Variants in PIP5K1C observed in about 807,000 individuals in gnomAD.
The protein encoded by PIP5K1C is phosphatidylinositol 4-phosphate 5-kinase type-1 gamma.
In PIP5K1C, 45 loss-of-function variants were observed where a neutral mutation model predicts 80.1. The ratio of observed to expected loss-of-function variants is 0.56; its 90% CI spans 0.44 to 0.72. The LOEUF (loss-of-function observed/expected upper bound fraction) is 0.72, where lower values mean the gene tolerates loss of function less well. PIP5K1C is among the 30% of genes least tolerant of loss of function. The pLI, the probability that PIP5K1C is intolerant of heterozygous loss-of-function variation, is 0.00. For missense variants in PIP5K1C, 753 were observed against 954.6 expected (o/e 0.79, Z 2.78); for synonymous variants, 498 against 420.1 (o/e 1.19, Z -2.27).
At chr19:3,698,807 G>A (rs1049597385) in intron 1 of PIP5K1C, among the ~76,000 whole-genome samples, 2 of 152,152 alleles carry the variant, frequency 1.3e-5, no homozygotes, top group African/African-American at 4.8e-5. Context: ...GGATGGCGTT[G>A]GAGGAGTGAG....
chr19:3,672,682 C>G (rs2035245881), intron 1 of PIP5K1C: 1 of 152,454 alleles, frequency 6.6e-6, no homozygotes, highest in African/African-American at 2.4e-5. Context: ...TGAGAGGAAA[C>G]AGGGCACATT....
chr19:3,660,959 T>G lies in PIP5K1C; in HGVS notation c.468+7A>C. 8 of 1,607,254 alleles carry G rather than the reference T, an allele frequency of 5.0e-6. No homozygotes were observed. Among genetic ancestry groups the G allele is most frequent in the Non-Finnish European group, 6.8e-6 (8 of 1,174,186 alleles). On this transcript the variant is annotated splice_region_variant and intron_variant, in intron 5 of 17. Transcript: ENST00000335312. Reference sequence around the variant, plus strand: ...GCCTGGAAGCCCGTAACAGCAAATATGCTTACCAAGTAATCATCTGGCCGG... The same window carrying G: ...GCCTGGAAGCCCGTAACAGCAAATAGGCTTACCAAGTAATCATCTGGCCGG...
intron 1 of PIP5K1C, among the ~76,000 whole-genome samples, chr19:3,673,475 G>C (rs1380476186): frequency 6.6e-6 from 1 of 152,232 alleles, no homozygotes; most frequent in Admixed American, 6.5e-5. Context: ...GGGAAGGCCA[G>C]TGAGAAAGGG....
chr19:3,650,096 C>T (rs555198840), intron 8 of PIP5K1C: 12 of 156,624 alleles, frequency 7.7e-5, no homozygotes, highest in Admixed American at 7.1e-4. Context: ...CAGCTACACC[C>T]TGGTTGGGGC....
At chr19:3,652,821 C>T (rs1318341965) in intron 7 of PIP5K1C, among the ~76,000 whole-genome samples, 1 of 152,024 alleles carries the variant, frequency 6.6e-6, no homozygotes, top group Non-Finnish European at 1.5e-5. Flanking sequence ...TGGCTGGGAG[C>T]TCTGGGCTTG....
intron 16 of PIP5K1C, among the ~76,000 whole-genome samples, chr19:3,633,812 C>T (rs2033557599): frequency 6.6e-6 from 1 of 152,010 alleles, no homozygotes; most frequent in African/African-American, 2.4e-5. Context: ...CCGGCGGAAG[C>T]GGGTGGGGGT....
chr19:3,658,470 C>G (rs924584427), intron 5 of PIP5K1C, among the ~76,000 whole-genome samples: 1 of 152,256 alleles, frequency 6.6e-6, no homozygotes, highest in African/African-American at 2.4e-5. Context: ...AGAGCCCACG[C>G]GGCTCCTCCG....
chr19:3,674,648 G>A (rs2035305471), intron 1 of PIP5K1C, among the ~76,000 whole-genome samples: 2 of 152,198 alleles, frequency 1.3e-5, no homozygotes, highest in Non-Finnish European at 2.9e-5. Flanking sequence ...GGGACTACAG[G>A]CACGCACCAC....
intron 1 of PIP5K1C, among the ~76,000 whole-genome samples, chr19:3,681,978 G>C (rs1462160277): frequency 3.3e-5 from 5 of 152,132 alleles, no homozygotes; most frequent in Non-Finnish European, 5.9e-5. Context: ...CACGAGCCCA[G>C]ATTGCAGAGC....
chr19:3,700,284 G>T lies in PIP5K1C; in HGVS notation c.94+13C>A. 1 of 1,255,464 alleles carries T rather than the reference G, an allele frequency of 8.0e-7. No individual in the cohort carries two copies. Among genetic ancestry groups the T allele is most frequent in the Non-Finnish European group, 1.0e-6 (1 of 982,084 alleles). The allele number at this position is 1,255,464 out of a possible 1,614,324, so 77.8% of individuals were successfully genotyped here. ...GCCCAGCGGGCCGCAGCCCCGGGAGGCCGGGCCGTTACCTGCCGCCGCCCC... is the reference window on the plus strand; with the variant it reads ...GCCCAGCGGGCCGCAGCCCCGGGAGTCCGGGCCGTTACCTGCCGCCGCCCC... On this transcript the variant is annotated intron_variant, in intron 1 of 17. Transcript: ENST00000335312.
chr19:3,643,835 C>G (rs1191475283), intron 12 of PIP5K1C, among the ~76,000 whole-genome samples: 1 of 152,104 alleles, frequency 6.6e-6, no homozygotes, highest in African/African-American at 2.4e-5. Context: ...TGGTGCACCT[C>G]AGATGACAGT....
At chr19:3,687,306 G>A (rs187694950) in intron 1 of PIP5K1C, among the ~76,000 whole-genome samples, 1 of 152,298 alleles carries the variant, frequency 6.6e-6, no homozygotes, top group Non-Finnish European at 1.5e-5. Flanking sequence ...AGGTTGCAGT[G>A]AGCCGAGACT....
intron 1 of PIP5K1C, among the ~76,000 whole-genome samples, chr19:3,700,025 G>A (rs1377082172): frequency 6.6e-6 from 1 of 152,148 alleles, no homozygotes; most frequent in African/African-American, 2.4e-5. Flanking sequence ...CTGGGAGCGG[G>A]TCAGGCAGAA....
At position 3,642,937 on chromosome 19, in the gene PIP5K1C, C is replaced by T. The variant is rs752082603; in HGVS notation, c.1652G>A (p.Arg551Gln). Residue 551 changes from arginine (R) to glutamine (Q), a missense_variant and splice_region_variant, in exon 14 of 18, where the codon CGG becomes CAG. By Grantham distance (43) the Arg-to-Gln change is conservative (BLOSUM62 1). Around this residue, in one of 6 missense-constraint regions of PIP5K1C, gnomAD observed 315 missense variants for 294.5 expected, o/e 1.07. Transcript: ENST00000335312. ...ATCCTGTCCAGACGACTGTGTGCGC[C>T]GCCTGCAGAGATACAGCAAACACGT... is the stretch of plus-strand genomic sequence containing the variant. The part of the protein sequence containing the change: ...SETSEQPRYR[R>Q]RTQSSGQDGR... 15 of 1,613,444 alleles carry T rather than the reference C, an allele frequency of 9.3e-6. No homozygotes were observed. The highest frequency in any genetic ancestry group is 1.6e-4 in the Middle Eastern group (1 of 6,082).
At chr19:3,679,599 C>G (rs975972804) in intron 1 of PIP5K1C, among the ~76,000 whole-genome samples, 3 of 152,180 alleles carry the variant, frequency 2.0e-5, no homozygotes, top group Non-Finnish European at 4.4e-5. Flanking sequence ...GTGAATGGAG[C>G]TGGGGCAGGC....
intron 1 of PIP5K1C, among the ~76,000 whole-genome samples, chr19:3,691,124 G>A (rs756508786): frequency 3.9e-5 from 6 of 152,204 alleles, no homozygotes; most frequent in South Asian, 4.1e-4. Context: ...GAAATGCTGC[G>A]AAGAGCCACA....
chr19:3,651,451 G>A (rs922567256), intron 8 of PIP5K1C, among the ~76,000 whole-genome samples: 30 of 152,206 alleles, frequency 2.0e-4, no homozygotes, highest in African/African-American at 6.3e-4. Context: ...GATCCCTCTG[G>A]CCTCCCATGC....
intron 7 of PIP5K1C, among the ~76,000 whole-genome samples, chr19:3,652,974 A>C (rs1442533314): frequency 6.6e-6 from 1 of 152,150 alleles, no homozygotes; most frequent in Non-Finnish European, 1.5e-5. Flanking sequence ...ACATGTTATA[A>C]GTGTTTTGTT....
At chr19:3,633,307 G>T in intron 17 of PIP5K1C, 130 bp downstream of exon 17, 1 of 688,110 alleles carries the variant, frequency 1.5e-6, no homozygotes, top group Non-Finnish European at 2.5e-6. Flanking sequence ...GAGAGCCCAG[G>T]GTGGAGCTCT....
Sources: gnomAD v4.1 joint callset for allele counts (sites outside exome capture counted in the v4.1 genomes callset) on GRCh38, gnomAD v4.1.1 for gene constraint, gnomAD v4.1.1 regional missense constraint, MANE v1.5 for transcripts, NCBI Gene and HGNC (gene_info 2026-07-23, HGNC 2026-07-21) for gene names.